Variants in IGFBP3 observed in about 807,000 individuals in gnomAD.
IGFBP3 encodes insulin like growth factor binding protein 3.
Under a neutral mutation model 28.6 loss-of-function variants are expected in IGFBP3, and 9 were observed. The ratio of observed to expected loss-of-function variants is 0.31; its 90% CI spans 0.19 to 0.55. The LOEUF is 0.55. Among genes scored for constraint, IGFBP3 ranks in the 20% least tolerant of loss-of-function variants. The probability of loss-of-function intolerance (pLI) is 0.93; values close to 1 mark genes in which losing one functional copy is unlikely to be tolerated. For synonymous variants in IGFBP3, 185 were observed against 188.2 expected, an observed-to-expected ratio of 0.98 and a Z score of 0.14; for missense variants, 382 against 428.9, an observed-to-expected ratio of 0.89 and a Z score of 0.97.
rs780540444 is a variant in IGFBP3, at chr7:45,912,282, T to C, written c.*1568A>G. On this transcript the variant is annotated 3_prime_UTR_variant, in exon 5 of 5. Coordinates refer to ENST00000613132, the MANE Select transcript of IGFBP3 (RefSeq NM_000598.5). ...TCAGGATTTTATTATAATAAAATAA[T>C]TATTATATAATAAAATAAAATAATT... 4.1e-5 allele frequency: 6 copies of C among 147,550 alleles called. No individual in the cohort carries two copies. The highest frequency in any genetic ancestry group is 6.6e-5 in the Admixed American group (1 of 15,040). 9.1% of individuals were successfully genotyped at this position (147,550 alleles called of 1,614,324 possible).
intron 3 of IGFBP3, 96 bp from the exon 4 acceptor site, chr7:45,915,041 G>T: frequency 2.1e-6 from 3 of 1,416,752 alleles, no homozygotes; most frequent in Non-Finnish European, 1.9e-6. Flanking sequence ...GCGTGACTCT[G>T]CTATGCTGAG....
chr7:45,912,704 A>G lies in IGFBP3; in HGVS notation c.*1146T>C, dbSNP rs911686366. 2.0e-5 allele frequency: 3 copies of G among 152,544 alleles called. No individual in the cohort carries two copies. The allele number at this position is 152,544 out of a possible 1,614,324, so 9.4% of individuals were successfully genotyped here. On this transcript the variant is annotated 3_prime_UTR_variant, in exon 5 of 5. Coordinates refer to ENST00000613132, the MANE Select transcript of IGFBP3 (RefSeq NM_000598.5). Reference sequence around the variant, plus strand: ...AGGATTATCTAGTATAGATCTTACTATATTTGGGGCTATGTTGTATACAAT... The same window carrying G: ...AGGATTATCTAGTATAGATCTTACTGTATTTGGGGCTATGTTGTATACAAT...
chr7:45,916,807 A>G lies in IGFBP3; in HGVS notation c.631-140T>C, dbSNP rs988354970. On this transcript the variant is annotated intron_variant, in intron 2 of 4. Coordinates refer to ENST00000613132, the MANE Select transcript of IGFBP3 (RefSeq NM_000598.5). The stretch of plus-strand genomic sequence containing the variant: ...TCAGATACCTTATGTCTGATGTAGC[A>G]CGAAAGTCCCCCGAATAAGCTAACC... 1.3e-5 allele frequency: 11 copies of G among 873,310 alleles called. No homozygotes were observed. The African/African-American group carries it at 1.8e-4, about 15-fold the overall frequency. The allele number at this position is 873,310 out of a possible 1,614,324, so 54.1% of individuals were successfully genotyped here.
rs1784563075 is a variant in IGFBP3 at position 45,912,912 on chromosome 7, G to A, written c.*938C>T. The A allele has an allele frequency of 6.6e-6, 1 of 152,210 alleles. No homozygotes were observed. The highest frequency in any genetic ancestry group is 2.4e-5 in the African/African-American group (1 of 41,386). 9.4% of individuals were successfully genotyped at this position (152,210 alleles called of 1,614,324 possible). On this transcript the variant is annotated 3_prime_UTR_variant, in exon 5 of 5. Coordinates refer to ENST00000613132, the MANE Select transcript of IGFBP3 (RefSeq NM_000598.5). ...CTATTCTTTTTTACATTGTGCTAAG[G>A]AGGACAAAAGATGAGAGATGAAAAT...
chr7:45,916,415 A>T, intron 3 of IGFBP3, 133 bp downstream of exon 3: 1 of 821,352 alleles, frequency 1.2e-6, no homozygotes. Context: ...TGAGACTGGC[A>T]CCAAGTCCTG....
intron 4 of IGFBP3, chr7:45,914,043 T>A (rs1784576942): frequency 6.6e-6 from 1 of 152,158 alleles, no homozygotes; most frequent in East Asian, 1.9e-4. Flanking sequence ...TACCCTTAAA[T>A]TAGAATTATT....
chr7:45,915,830 A>G (rs899659692), intron 3 of IGFBP3, among the ~76,000 whole-genome samples: 10 of 152,204 alleles, frequency 6.6e-5, no homozygotes, highest in African/African-American at 2.4e-4. Flanking sequence ...GGAAGACCAC[A>G]TGGCCAGTTT....
In IGFBP3 at chr7:45,920,830, A is replaced by T; in HGVS notation, c.311T>A (p.Leu104Gln). ...CCCGCGGCCGTCCAGCAGCGCCTGC[A>T]GCGGTCGCGCCTCGTCGGGCGACGG... ...CQPSPDEARP[L>Q]QALLDGRGLC... The change falls in exon 1 of 5, where the codon CTG becomes CAG. Residue 104 changes from leucine (L) to glutamine (Q), a missense_variant. Coordinates refer to ENST00000613132, the MANE Select transcript of IGFBP3 (RefSeq NM_000598.5). 1 of 1,408,652 alleles carries T rather than the reference A, an allele frequency of 7.1e-7. No homozygotes were observed. Among genetic ancestry groups the T allele is most frequent in the Non-Finnish European group, 9.2e-7 (1 of 1,090,154 alleles). 87.3% of individuals were successfully genotyped at this position (1,408,652 alleles called of 1,614,324 possible).
rs1412490136 is a variant in IGFBP3 at position 45,912,332 on chromosome 7, CAAT to C, written c.*1515_*1517del. On this transcript the variant is annotated 3_prime_UTR_variant, in exon 5 of 5. Coordinates refer to ENST00000613132, the MANE Select transcript of IGFBP3 (RefSeq NM_000598.5). ...TAGTGATACAAAGCCCAGAGATGGTCAATAACAAAGGGAAAGATATTTTTTTAA... is the reference window on the plus strand; with the variant it reads ...TAGTGATACAAAGCCCAGAGATGGTCAACAAAGGGAAAGATATTTTTTTAA... 2 of 151,322 alleles carry C rather than the reference CAAT, an allele frequency of 1.3e-5. No homozygotes were observed. The highest frequency in any genetic ancestry group is 2.9e-5 in the Non-Finnish European group (2 of 67,870). 9.4% of individuals were successfully genotyped at this position (151,322 alleles called of 1,614,324 possible).
Position 45,921,115 on chromosome 7 carries a change from C to T in IGFBP3, c.26G>A (p.Trp9Ter). The change falls in exon 1 of 5, where the codon TGG becomes TAG. Residue 9 changes from tryptophan to a stop codon, truncating the protein, a stop_gained. Coordinates refer to ENST00000613132, the MANE Select transcript of IGFBP3 (RefSeq NM_000598.5). LOFTEE classifies it high-confidence loss of function. Reference sequence around the variant, plus strand: ...CACCAGCAGAGTCAGCGCAGCGGCCCAGAGCGTGGGTCGCGCCCGCTGCAT... The same window carrying T: ...CACCAGCAGAGTCAGCGCAGCGGCCTAGAGCGTGGGTCGCGCCCGCTGCAT... MQRARPTL[W>*]AAALTLLVLL... is the part of the protein sequence containing the mutation. 6.7e-7 allele frequency: 1 copy of T among 1,494,884 alleles called. No homozygotes were observed. Among genetic ancestry groups the T allele is most frequent in the Non-Finnish European group, 8.9e-7 (1 of 1,128,446 alleles). 92.6% of individuals were successfully genotyped at this position (1,494,884 alleles called of 1,614,324 possible).
At chr7:45,916,202 G>A (rs1784606973) in intron 3 of IGFBP3, among the ~76,000 whole-genome samples, 1 of 152,226 alleles carries the variant, frequency 6.6e-6, no homozygotes, top group African/African-American at 2.4e-5. Context: ...GTCACTCCCT[G>A]ACGCAGCATT....
Position 45,916,447 on chromosome 7 carries a change from C to A in IGFBP3, c.750+101G>T, listed in dbSNP as rs935616836. 7.2e-6 allele frequency: 9 copies of A among 1,244,380 alleles called. No homozygotes were observed. In the East Asian group the frequency reaches 2.2e-4, roughly 31 times the overall value. The allele number at this position is 1,244,380 out of a possible 1,614,324, so 77.1% of individuals were successfully genotyped here. A position where few individuals can be genotyped will look rare whatever the true frequency, so the allele number is the denominator to read the frequency against. ...CCTGGGCACTGGTGCTGCACAGGCT[C>A]AGAGTTAGAGCTATGGCCAGAAGAG... is the stretch of plus-strand genomic sequence containing the variant. On this transcript the variant is annotated intron_variant, in intron 3 of 4. Coordinates refer to ENST00000613132, the MANE Select transcript of IGFBP3 (RefSeq NM_000598.5).
In IGFBP3 at chr7:45,917,423, C is replaced by T. The variant is rs745440927; in HGVS notation, c.420G>A (p.Ser140=). Residue 140 remains serine, a synonymous_variant, in exon 2 of 5, where the codon TCG becomes TCA. Coordinates refer to ENST00000613132, the MANE Select transcript of IGFBP3 (RefSeq NM_000598.5). ...CACTGCCGGCGCTGCGGTCTTCCTC[C>T]GACTCACTAGCATTTCCTTAAAACG... The part of the protein sequence containing the change: ...APPAPGNASE[S]EEDRSAGSVE... The T allele has an allele frequency of 1.9e-5, 31 of 1,611,056 alleles. No homozygotes were observed. The highest frequency in any genetic ancestry group is 1.7e-5 in the Non-Finnish European group (20 of 1,178,288).
chr7:45,915,260 C>T (rs1784594955), intron 3 of IGFBP3: 1 of 293,022 alleles, frequency 3.4e-6, no homozygotes, highest in Non-Finnish European at 6.5e-6. Flanking sequence ...GGACTGAGAA[C>T]ATCCCCGCTG....
At position 45,917,424 on chromosome 7, in the gene IGFBP3, G is replaced by A. The variant is rs139238956; in HGVS notation, c.419C>T (p.Ser140Leu). ...ACTGCCGGCGCTGCGGTCTTCCTCC[G>A]ACTCACTAGCATTTCCTTAAAACGC... The part of the protein sequence containing the change: ...APPAPGNASE[S>L]EEDRSAGSVE... Residue 140 changes from serine (S) to leucine (L), a missense_variant, in exon 2 of 5, where the codon TCG becomes TTG. Coordinates refer to ENST00000613132, the MANE Select transcript of IGFBP3 (RefSeq NM_000598.5). The A allele has an allele frequency of 4.3e-6, 7 of 1,610,914 alleles. No individual in the cohort carries two copies. The highest frequency in any genetic ancestry group is 2.7e-5 in the African/African-American group (2 of 74,916).
At chr7:45,915,033 G>A (rs9282735) in intron 3 of IGFBP3, 88 bp from the exon 4 acceptor site, 70 of 1,473,676 alleles carry the variant, frequency 4.8e-5, no homozygotes, top group South Asian at 1.6e-4. Context: ...GTTTGCCAGC[G>A]TGACTCTGCT....
intron 1 of IGFBP3, among the ~76,000 whole-genome samples, chr7:45,917,846 G>A (rs1236360725): frequency 6.6e-6 from 1 of 152,164 alleles, no homozygotes; most frequent in African/African-American, 2.4e-5. Flanking sequence ...CCTCCCACCC[G>A]CGGGAGCAGC....
chr7:45,913,798 T>A lies in IGFBP3; in HGVS notation c.*52A>T, dbSNP rs1784574196. 6.6e-6 allele frequency: 1 copy of A among 152,568 alleles called. No individual in the cohort carries two copies. The highest frequency in any genetic ancestry group is 1.5e-5 in the Non-Finnish European group (1 of 68,032). The allele number at this position is 152,568 out of a possible 1,614,324, so 9.5% of individuals were successfully genotyped here. On this transcript the variant is annotated 3_prime_UTR_variant, in exon 5 of 5. Transcript: ENST00000613132. ...CTGCTGGTCATGTCCTTGGCAGTCT[T>A]TTGTGCAAAATAAGGCATATTTGAG...
intron 4 of IGFBP3, 150 bp downstream of exon 4, chr7:45,914,655 C>G (rs917599902): frequency 7.4e-6 from 5 of 679,580 alleles, no homozygotes; most frequent in Admixed American, 2.9e-5. Flanking sequence ...TCTGAGGGCT[C>G]TGTCCTATTT....
Sources: allele counts gnomAD v4.1 joint callset (sites outside exome capture counted in the v4.1 genomes callset), GRCh38; gene constraint gnomAD v4.1.1; transcripts MANE v1.5; gene names NCBI Gene and HGNC (gene_info 2026-07-23, HGNC 2026-07-21).